Variants in GCLC observed in about 807,000 individuals in gnomAD.
The protein encoded by GCLC is glutamate--cysteine ligase catalytic subunit.
In GCLC, 30 loss-of-function variants were observed where a neutral mutation model predicts 81.5. The ratio of observed to expected loss-of-function variants is 0.37; its 90% CI spans 0.28 to 0.50. GCLC has a LOEUF of 0.50. Among genes scored for constraint, GCLC ranks in the 20% least tolerant of loss-of-function variants. The pLI is 0.96. For missense variants in GCLC, 556 were observed against 777.4 expected, an observed-to-expected ratio of 0.72 and a Z score of 3.39; for synonymous variants, 262 against 273.3, an observed-to-expected ratio of 0.96 and a Z score of 0.41.
At chr6:53,533,869 A>G (rs1763213992) in intron 1 of GCLC, among the ~76,000 whole-genome samples, 1 of 150,512 alleles carries the variant, frequency 6.6e-6, no homozygotes, top group Non-Finnish European at 1.5e-5. Flanking sequence ...ATCTCAGGTC[A>G]CTGCAACCTC....
chr6:53,530,026 T>A lies in GCLC; in HGVS notation c.151-7499A>T, dbSNP rs2268328. On this transcript the variant is annotated intron_variant, in intron 1 of 15. Transcript: ENST00000650454. The stretch of plus-strand genomic sequence containing the variant: ...TAGGCTGCCCTAAATTCAGACTGCC[T>A]ATGAGAAATTCAGGATTTTAGTTCC... 3.3e-5 allele frequency among the ~76,000 whole-genome samples: 5 copies of A among 152,356 alleles called. No homozygotes were observed. In the East Asian group the frequency reaches 9.6e-4, roughly 29 times the overall value.
At position 53,544,668 on chromosome 6, in the gene GCLC, T is replaced by TCCC. The variant is rs2127633196; in HGVS notation, c.-24_-23insGGG. 1 of 1,579,612 alleles carries TCCC rather than the reference T, an allele frequency of 6.3e-7. No homozygotes were observed. Among genetic ancestry groups the TCCC allele is most frequent in the Non-Finnish European group, 8.5e-7 (1 of 1,171,118 alleles). On this transcript the variant is annotated 5_prime_UTR_variant, in exon 1 of 16. Coordinates refer to ENST00000650454, the MANE Select transcript of GCLC (RefSeq NM_001498.4). ...CATGGCCGCCCCCTCCTCCTCCTCC[T>TCCC]CCTCCTCCGGGCTGACGGCGGTCGC...
chr6:53,521,513 A>T (rs1305768842), intron 2 of GCLC, among the ~76,000 whole-genome samples: 1 of 152,130 alleles, frequency 6.6e-6, no homozygotes, highest in Non-Finnish European at 1.5e-5. Flanking sequence ...AGGACAAACT[A>T]ACCTACTCTG....
intron 1 of GCLC, among the ~76,000 whole-genome samples, chr6:53,534,484 C>G (rs1002002353): frequency 2.3e-5 from 3 of 130,764 alleles, no homozygotes; most frequent in African/African-American, 8.8e-5. Context: ...AACCAAAAAA[C>G]AAAAAAAAAA....
Position 53,525,778 on chromosome 6 carries a change from A to G in GCLC, c.151-3251T>C, listed in dbSNP as rs1397441144. Among the ~76,000 whole-genome samples the G allele has an allele frequency of 4.1e-5, 6 of 148,030 alleles. No homozygotes were observed. In the East Asian group the frequency reaches 9.6e-4, roughly 24 times the overall value. On this transcript the variant is annotated intron_variant, in intron 1 of 15. Coordinates refer to ENST00000650454, the MANE Select transcript of GCLC (RefSeq NM_001498.4). ...TAACATATCATCTTGGAAGTAGGGG[A>G]AAAAAATACCCACCGACCTCTATTC...
intron 9 of GCLC, 77 bp downstream of exon 9, chr6:53,507,403 T>G: frequency 6.9e-7 from 1 of 1,447,688 alleles, no homozygotes; most frequent in Non-Finnish European, 9.7e-7. Context: ...AGACCAGGAG[T>G]CAGCAAAAAA....
In GCLC at chr6:53,520,830, T is replaced by C; in HGVS notation, c.394A>G (p.Thr132Ala). The C allele has an allele frequency of 2.5e-6, 4 of 1,614,130 alleles. No individual in the cohort carries two copies. The highest frequency in any genetic ancestry group is 3.4e-6 in the Non-Finnish European group (4 of 1,179,924). ...ANMRKRRKEA[T>A]SILEENQALC... Reference sequence around the variant, plus strand: ...GCCTGATTTTCTTCTAATATAGAAGTAGCCTCCTTCCGGCGTTTTCGCATG... The same window carrying C: ...GCCTGATTTTCTTCTAATATAGAAGCAGCCTCCTTCCGGCGTTTTCGCATG... The change falls in exon 3 of 16, where the codon ACT (threonine) becomes GCT (alanine). Residue 132 changes from threonine (T) to alanine (A), a missense_variant. Thr to Ala is a moderately conservative substitution (Grantham distance 58, BLOSUM62 0). Around this residue, in one of 3 missense-constraint regions of GCLC, gnomAD observed 234 missense variants for 303.8 expected, o/e 0.77. Transcript: ENST00000650454.
intron 3 of GCLC, among the ~76,000 whole-genome samples, chr6:53,520,485 C>T (rs1311943608): frequency 3.3e-5 from 5 of 152,214 alleles, no homozygotes; most frequent in South Asian, 4.1e-4. Context: ...CCTCCACCCT[C>T]GCCTGCGGCA....
At chr6:53,533,753 T>G (rs1763211174) in intron 1 of GCLC, among the ~76,000 whole-genome samples, 1 of 151,214 alleles carries the variant, frequency 6.6e-6, no homozygotes. Flanking sequence ...TCTTACCAAA[T>G]GAGGAAACTG....
At position 53,544,828 on chromosome 6, in the gene GCLC, C is replaced by CGCCCAGGTGACAG; in HGVS notation, c.-196_-184dup. On this transcript the variant is annotated 5_prime_UTR_variant, in exon 1 of 16. Coordinates refer to ENST00000650454, the MANE Select transcript of GCLC (RefSeq NM_001498.4). ...CCGGCTCCCCGGCGGCGGCCCCTGG[C>CGCCCAGGTGACAG]GCCCAGGTGACAGACCCTGGGTCCG... 4.0e-6 allele frequency: 2 copies of CGCCCAGGTGACAG among 499,570 alleles called. No homozygotes were observed. The highest frequency in any genetic ancestry group is 7.6e-5 in the East Asian group (2 of 26,484). 30.9% of individuals were successfully genotyped at this position (499,570 alleles called of 1,614,324 possible).
At chr6:53,537,415 A>G (rs1168304599) in intron 1 of GCLC, among the ~76,000 whole-genome samples, 1 of 152,206 alleles carries the variant, frequency 6.6e-6, no homozygotes, top group South Asian at 2.1e-4. Context: ...AATCTTTGTA[A>G]TGCCTATTAA....
At chr6:53,521,770 G>A (rs1380597686) in intron 2 of GCLC, among the ~76,000 whole-genome samples, 1 of 152,044 alleles carries the variant, frequency 6.6e-6, no homozygotes. Flanking sequence ...TCAGGAAATG[G>A]AGACCATCCT....
chr6:53,511,231 C>G (rs904209799), intron 6 of GCLC, among the ~76,000 whole-genome samples: 1 of 148,452 alleles, frequency 6.7e-6, no homozygotes, highest in Non-Finnish European at 1.5e-5. Context: ...GGATGACATG[C>G]GGTCAAAGGT....
At chr6:53,524,913 A>ATTT (rs1763055344) in intron 1 of GCLC, among the ~76,000 whole-genome samples, 1 of 152,224 alleles carries the variant, frequency 6.6e-6, no homozygotes. Context: ...AAAGAACAAA[A>ATTT]AGTTAAAGCT....
chr6:53,509,746 T>A (rs1764697879), intron 6 of GCLC: 1 of 178,820 alleles, frequency 5.6e-6, no homozygotes. Context: ...CCTCCTGGGT[T>A]CACGCCATTC....
chr6:53,519,490 A>G (rs1762947535), intron 3 of GCLC, among the ~76,000 whole-genome samples: 1 of 141,164 alleles, frequency 7.1e-6, no homozygotes, highest in Non-Finnish European at 1.5e-5. Context: ...TCCTCCTGCT[A>G]GCACAGCCCC....
rs1561956168 is a variant in GCLC, at chr6:53,545,075, CTT to C, written c.-432_-431del. The C allele has an allele frequency of 6.5e-6, 1 of 154,920 alleles. No individual in the cohort carries two copies. Among genetic ancestry groups the C allele is most frequent in the Non-Finnish European group, 1.4e-5 (1 of 69,926 alleles). The allele number at this position is 154,920 out of a possible 1,614,324, so 9.6% of individuals were successfully genotyped here. On this transcript the variant is annotated 5_prime_UTR_variant, in exon 1 of 16. Transcript: ENST00000650454. ...TGCGCCGCCGCGGAGCATGCCCAGT[CTT>C]TGCGTCCGCTAGCTCGCCGCTCCTG...
intron 1 of GCLC, among the ~76,000 whole-genome samples, chr6:53,523,649 T>C (rs1343070689): frequency 6.6e-6 from 1 of 152,240 alleles, no homozygotes; most frequent in East Asian, 1.9e-4. Context: ...TGTTTGCTTT[T>C]CAGGGGTGCA....
Position 53,516,171 on chromosome 6 carries a change from T to C in GCLC, c.498A>G (p.Glu166=). 1 of 1,613,928 alleles carries C rather than the reference T, an allele frequency of 6.2e-7. No individual in the cohort carries two copies. Among genetic ancestry groups the C allele is most frequent in the Non-Finnish European group, 8.5e-7 (1 of 1,179,812 alleles). ...AGAAGAGGGACTTGGAAGCTCCTCC[T>C]TCCACTGGGTTGGGTTTGACCTCGG... ...TLPEVKPNPV[E]GGASKSLFFP... Residue 166 remains glutamate, a synonymous_variant, in exon 4 of 16, where the codon GAA becomes GAG. Coordinates refer to ENST00000650454, the MANE Select transcript of GCLC (RefSeq NM_001498.4).
Sources: allele counts gnomAD v4.1 joint callset (sites outside exome capture counted in the v4.1 genomes callset), GRCh38; gene constraint gnomAD v4.1.1; regional missense constraint gnomAD v4.1.1; transcripts MANE v1.5; gene names NCBI Gene and HGNC (gene_info 2026-07-23, HGNC 2026-07-21).